Variants in SLC4A4 observed in about 807,000 individuals in gnomAD.
The protein encoded by SLC4A4 is electrogenic sodium bicarbonate cotransporter 1.
In SLC4A4, 27 loss-of-function variants were observed where a neutral mutation model predicts 111.5. The observed-to-expected ratio is 0.24, with a 90% CI of 0.18 to 0.33. The LOEUF (loss-of-function observed/expected upper bound fraction) is 0.33, where lower values mean the gene tolerates loss of function less well. Among genes scored for constraint, SLC4A4 ranks in the 10% least tolerant of loss-of-function variants. The pLI, the probability that SLC4A4 is intolerant of heterozygous loss-of-function variation, is 1.00. For synonymous variants in SLC4A4, 443 were observed against 463.4 expected, an observed-to-expected ratio of 0.96 and a Z score of 0.57; for missense variants, 909 against 1,315.5, an observed-to-expected ratio of 0.69 and a Z score of 4.78.
rs372140522 is a variant in SLC4A4, at chr4:71,515,588, G to A, written c.2167-16474G>A. On this transcript the variant is annotated intron_variant, in intron 16 of 25. Transcript: ENST00000264485. ...CAACGGGGTGTTAAAATCTTCTACT[G>A]TTATTGTATTGCATTCCGTCTTTTC... 1.2e-4 allele frequency among the ~76,000 whole-genome samples: 19 copies of A among 152,216 alleles called. No homozygotes were observed. The East Asian group carries it at 2.7e-3, about 22-fold the overall frequency.
At chr4:71,452,842 CT>C (rs1698459803) in intron 11 of SLC4A4, among the ~76,000 whole-genome samples, 1 of 152,148 alleles carries the variant, frequency 6.6e-6, no homozygotes, top group African/African-American at 2.4e-5. Flanking sequence ...GCCACTCTAT[CT>C]AAAATTTCAA....
chr4:71,350,480 C>A (rs1381278852), intron 5 of SLC4A4, among the ~76,000 whole-genome samples: 1 of 151,990 alleles, frequency 6.6e-6, no homozygotes, highest in South Asian at 2.1e-4. Flanking sequence ...TGGGTTCAAG[C>A]GATTCTCCTG....
chr4:71,112,130 C>G (rs187938310), intron 2 of SLC4A4, among the ~76,000 whole-genome samples: 283 of 152,326 alleles, frequency 1.9e-3, no homozygotes, highest in African/African-American at 6.5e-3. Flanking sequence ...GGCTATCTTC[C>G]TTCCACTCTG....
At chr4:71,332,027 G>T (rs140531412) in intron 3 of SLC4A4, among the ~76,000 whole-genome samples, 1 of 152,052 alleles carries the variant, frequency 6.6e-6, no homozygotes, top group African/African-American at 2.4e-5. Flanking sequence ...TGTAATGTCT[G>T]CCTATTCATC....
chr4:71,436,124 C>T (rs1182740214), intron 7 of SLC4A4, among the ~76,000 whole-genome samples: 1 of 152,110 alleles, frequency 6.6e-6, no homozygotes, highest in African/African-American at 2.4e-5. Context: ...TTTATTGTGG[C>T]ACTGTTCACA....
chr4:71,195,479 C>T (rs1745955236), intron 1 of SLC4A4, among the ~76,000 whole-genome samples: 1 of 152,076 alleles, frequency 6.6e-6, no homozygotes, highest in African/African-American at 2.4e-5. Flanking sequence ...GTATAGTAAA[C>T]AGCTTTTGTT....
intron 1 of SLC4A4, among the ~76,000 whole-genome samples, chr4:71,072,990 C>T (rs1244035482): frequency 1.3e-5 from 2 of 151,942 alleles, no homozygotes; most frequent in Non-Finnish European, 2.9e-5. Flanking sequence ...TCGCCATGAA[C>T]TCCTGGGCTT....
At chr4:71,099,628 A>T (rs1307483923) in intron 2 of SLC4A4, among the ~76,000 whole-genome samples, 1 of 152,130 alleles carries the variant, frequency 6.6e-6, no homozygotes, top group African/African-American at 2.4e-5. Context: ...ACAAAAAACC[A>T]TTCAAAAGAT....
chr4:71,336,422 G>T (rs749617613), intron 3 of SLC4A4, among the ~76,000 whole-genome samples: 26 of 152,020 alleles, frequency 1.7e-4, no homozygotes, highest in Non-Finnish European at 2.8e-4. Flanking sequence ...AAAGGTATAG[G>T]GAAATGGAAA....
intron 20 of SLC4A4, among the ~76,000 whole-genome samples, chr4:71,550,801 C>A (rs1474195232): frequency 6.6e-6 from 1 of 151,860 alleles, no homozygotes; most frequent in African/African-American, 2.4e-5. Flanking sequence ...GTTTCTCCTG[C>A]CTGTTTATGC....
intron 3 of SLC4A4, among the ~76,000 whole-genome samples, chr4:71,332,719 A>C (rs942430355): frequency 1.3e-5 from 2 of 152,160 alleles, no homozygotes; most frequent in Non-Finnish European, 2.9e-5. Flanking sequence ...GGCGTGAGCC[A>C]CCGCGCCCGG....
At chr4:71,283,290 C>CT (rs1311688833) in intron 3 of SLC4A4, among the ~76,000 whole-genome samples, 3 of 152,168 alleles carry the variant, frequency 2.0e-5, no homozygotes, top group Non-Finnish European at 4.4e-5. Flanking sequence ...TTTGTGTGCT[C>CT]TTTCATGGCA....
In SLC4A4 at chr4:71,309,524, A is replaced by G. The variant is rs147504079; in HGVS notation, c.254-29846A>G. Among the ~76,000 whole-genome samples the G allele has an allele frequency of 1.2e-3, 184 of 152,278 alleles. 2 individuals carry two copies. The highest frequency in any genetic ancestry group is 4.2e-3 in the African/African-American group (174 of 41,562). On this transcript the variant is annotated intron_variant, in intron 3 of 25. Coordinates refer to ENST00000264485, the MANE Select transcript of SLC4A4 (RefSeq NM_001098484.3). ...CTGTTCTGCAGACTCCGCTGGTGAT[A>G]CCAGGCAAATAGGGTCTGGAATGGA...
chr4:71,093,137 CT>C (rs1473614739), intron 2 of SLC4A4, among the ~76,000 whole-genome samples: 1 of 151,984 alleles, frequency 6.6e-6, no homozygotes, highest in African/African-American at 2.4e-5. Context: ...AAAAACCAGT[CT>C]TGTATTTTGA....
chr4:71,405,279 A>T (rs1210871298), intron 7 of SLC4A4, among the ~76,000 whole-genome samples: 2 of 152,164 alleles, frequency 1.3e-5, no homozygotes, highest in Non-Finnish European at 2.9e-5. Flanking sequence ...AATCCTTCAA[A>T]ACAACTGCCA....
chr4:71,293,621 C>T (rs555639585), intron 3 of SLC4A4, among the ~76,000 whole-genome samples: 2 of 151,876 alleles, frequency 1.3e-5, no homozygotes, highest in East Asian at 1.9e-4. Flanking sequence ...ACCTTAACAA[C>T]ATCTTGATTA....
At chr4:71,178,322 C>A (rs113157790) in intron 2 of SLC4A4, among the ~76,000 whole-genome samples, 2,023 of 151,664 alleles carry the variant, frequency 0.013, 43 homozygotes, top group African/African-American at 0.047. Flanking sequence ...AAACACATTC[C>A]AAAGCTAGCA....
intron 3 of SLC4A4, among the ~76,000 whole-genome samples, chr4:71,327,616 A>G (rs1483222325): frequency 1.3e-5 from 2 of 152,084 alleles, no homozygotes; most frequent in Admixed American, 1.3e-4. Context: ...CCATTCAAAA[A>G]TATTAGTTAT....
intron 6 of SLC4A4, 32 bp from the exon 7 acceptor site, chr4:71,397,545 T>C (rs199799887): frequency 6.4e-7 from 1 of 1,569,104 alleles, no homozygotes; most frequent in South Asian, 1.1e-5. Context: ...TGAAAAGAAG[T>C]CTTTAATTAG....
Sources: gnomAD v4.1 joint callset for allele counts (sites outside exome capture counted in the v4.1 genomes callset) on GRCh38, gnomAD v4.1.1 for gene constraint, MANE v1.5 for transcripts, NCBI Gene and HGNC (gene_info 2026-07-23, HGNC 2026-07-21) for gene names.